PCDHGA10: variants seen among roughly 807,000 people sequenced by gnomAD.
PCDHGA10 encodes protocadherin gamma-A10.
A neutral mutation model predicts 59.5 loss-of-function variants in PCDHGA10; 42 were observed. The observed-to-expected ratio is 0.71, with a 90% CI of 0.55 to 0.91. PCDHGA10 has a LOEUF of 0.91. Among genes scored for constraint, PCDHGA10 ranks in the 40% least tolerant of loss-of-function variants. The probability of loss-of-function intolerance (pLI) is 0.00; values close to 1 mark genes in which losing one functional copy is unlikely to be tolerated. For synonymous variants in PCDHGA10, 511 were observed against 517.2 expected (o/e 0.99, Z 0.16); for missense variants, 1,111 against 1,198.2 (o/e 0.93, Z 1.07).
At chr5:141,423,192 C>T in intron 1 of PCDHGA10, 2 of 1,613,622 alleles carry the variant, frequency 1.2e-6, no homozygotes, top group African/African-American at 2.7e-5. Context: ...AGCCCCCTCT[C>T]TCGGCCACCG....
intron 1 of PCDHGA10, chr5:141,417,931 G>T (rs551432799): frequency 6.8e-6 from 11 of 1,611,382 alleles, no homozygotes; most frequent in Middle Eastern, 1.6e-4. Flanking sequence ...TGCTGCCTTT[G>T]TTCTACCCCA....
chr5:141,484,716 G>C (rs1375103858), intron 1 of PCDHGA10, among the ~76,000 whole-genome samples: 1 of 152,030 alleles, frequency 6.6e-6, no homozygotes, highest in African/African-American at 2.4e-5. Context: ...CGCCGAAAAG[G>C]GGCGGGGTCA....
At chr5:141,429,378 T>G (rs890583768) in intron 1 of PCDHGA10, among the ~76,000 whole-genome samples, 3 of 105,336 alleles carry the variant, frequency 2.8e-5, no homozygotes, top group African/African-American at 5.2e-5. Flanking sequence ...AGAAAATGTG[T>G]TTTTTTTTTA....
rs2099681350 is a variant in PCDHGA10, at chr5:141,489,024, C to T, written c.2437-5783C>T. 1 of 450,378 alleles carries T rather than the reference C, an allele frequency of 2.2e-6. No individual in the cohort carries two copies. The highest frequency in any genetic ancestry group is 3.9e-6 in the Non-Finnish European group (1 of 256,582). 27.9% of individuals were successfully genotyped at this position (450,378 alleles called of 1,614,324 possible). On this transcript the variant is annotated intron_variant, in intron 1 of 3. Coordinates refer to ENST00000398610, the MANE Select transcript of PCDHGA10 (RefSeq NM_018913.3). The surrounding 1 kb of genome is among the most constrained non-coding windows in gnomAD (Gnocchi z 4.5). ...CTGCTCTTCCAGCCCGCCTCTCCTC[C>T]TCCAGCTCCCCAGCTCCACTCAAAT... is the stretch of plus-strand genomic sequence containing the variant.
chr5:141,431,697 G>T lies in PCDHGA10; in HGVS notation c.2436+16086G>T, dbSNP rs1303639699. 6.2e-7 allele frequency: 1 copy of T among 1,614,206 alleles called. No homozygotes were observed. Among genetic ancestry groups the T allele is most frequent in the Admixed American group, 1.7e-5 (1 of 60,024 alleles). ...GGGGAGTTGGACCACGAGGAGTCAG[G>T]ATTCTACCAGATGGAAGTGCAAGCA... On this transcript the variant is annotated intron_variant, in intron 1 of 3. Transcript: ENST00000398610. This position sits in a 1 kb window ranked among gnomAD's most constrained non-coding sequence, Gnocchi z 4.8.
chr5:141,414,274 G>A lies in PCDHGA10; in HGVS notation c.1099G>A (p.Gly367Arg), dbSNP rs762803658. 1.4e-5 allele frequency: 23 copies of A among 1,613,368 alleles called. No homozygotes were observed. The highest frequency in any genetic ancestry group is 1.9e-5 in the Non-Finnish European group (22 of 1,179,712). Residue 367 changes from glycine (G) to arginine (R), a missense_variant, in exon 1 of 4, where the codon GGA becomes AGA. By Grantham distance (125) the Gly-to-Arg change is moderately radical. Transcript: ENST00000398610. ...TCCAGTGACTGAAGATTCACCTCTG[G>A]GAACAGTCGTAGCCCTTTTAAATGT... ...FSPVTEDSPL[G>R]TVVALLNVHD...
chr5:141,417,875 G>A, intron 1 of PCDHGA10: 1 of 1,556,360 alleles, frequency 6.4e-7, no homozygotes, highest in South Asian at 1.2e-5. Flanking sequence ...AGGGAGCTGC[G>A]CGCAGAGGCG....
At chr5:141,433,004 T>G (rs368646186) in intron 1 of PCDHGA10, 48 of 1,614,028 alleles carry the variant, frequency 3.0e-5, no homozygotes, top group Non-Finnish European at 3.4e-5. Context: ...GGTGCAGGCT[T>G]TCCTGCAGAC....
In PCDHGA10 at chr5:141,490,113, C is replaced by G. The variant is rs2099696295; in HGVS notation, c.2437-4694C>G. Reference sequence around the variant, plus strand: ...ACCACACATCTGAGGCAGTGCGGAACCTCTTTGGCCTAGACCCTAGCAGTG... The same window carrying G: ...ACCACACATCTGAGGCAGTGCGGAAGCTCTTTGGCCTAGACCCTAGCAGTG... On this transcript the variant is annotated intron_variant, in intron 1 of 3. Transcript: ENST00000398610. This position sits in a 1 kb window ranked among gnomAD's most constrained non-coding sequence, Gnocchi z 5.4. 1 of 1,614,258 alleles carries G rather than the reference C, an allele frequency of 6.2e-7. No individual in the cohort carries two copies.
intron 1 of PCDHGA10, among the ~76,000 whole-genome samples, chr5:141,461,768 C>T (rs532591390): frequency 1.3e-5 from 2 of 152,016 alleles, no homozygotes; most frequent in African/African-American, 4.8e-5. Context: ...ATTCTCCTGC[C>T]TCAGCCTCCC....
At chr5:141,441,386 G>A (rs2098243752) in intron 1 of PCDHGA10, 1 of 153,358 alleles carries the variant, frequency 6.5e-6, no homozygotes, top group African/African-American at 2.4e-5. Flanking sequence ...ACAGACCCAA[G>A]GTATAACATC....
chr5:141,433,140 C>T (rs1394486228), intron 1 of PCDHGA10: 4 of 1,613,948 alleles, frequency 2.5e-6, no homozygotes, highest in African/African-American at 1.3e-5. Flanking sequence ...CTTTTGCTGT[C>T]AGGTGATTCG....
Position 141,432,267 on chromosome 5 carries a change from C to T in PCDHGA10, c.2436+16656C>T, listed in dbSNP as rs746089276. 4.3e-6 allele frequency: 7 copies of T among 1,614,244 alleles called. No homozygotes were observed. On this transcript the variant is annotated intron_variant, in intron 1 of 3. Transcript: ENST00000398610. The surrounding 1 kb of genome is among the most constrained non-coding windows in gnomAD (Gnocchi z 6.0). ...ACCATCCAAGGGGCAAGCCTATCGT[C>T]CTACGTGTCCATCAACTCCGACACT...
rs34152666 is a variant in PCDHGA10 at position 141,428,860 on chromosome 5, C to CT, written c.2436+13262dup. 6.7e-4 allele frequency: 98 copies of CT among 145,544 alleles called. 1 individual carries two copies. The highest frequency in any genetic ancestry group is 1.4e-3 in the East Asian group (7 of 4,990). 9.0% of individuals were successfully genotyped at this position (145,544 alleles called of 1,614,324 possible). On this transcript the variant is annotated intron_variant, in intron 1 of 3. Transcript: ENST00000398610. ...ACATTTTCACCATTTTTACGGGAGA[C>CT]TTTTTTTTTTTTTGGACGGAGTCTC...
rs773729429 is a variant in PCDHGA10, at chr5:141,491,406, C to T, written c.2437-3401C>T. ...CGAAGTGCCTTCAGGGAAACGCAGA[C>T]GGGGACGGGGGTGGAGGGCAGTGCT... On this transcript the variant is annotated intron_variant, in intron 1 of 3. Transcript: ENST00000398610. The surrounding 1 kb of genome is among the most constrained non-coding windows in gnomAD (Gnocchi z 6.9). The T allele has an allele frequency of 1.2e-6, 2 of 1,614,096 alleles. No homozygotes were observed. The highest frequency in any genetic ancestry group is 1.7e-6 in the Non-Finnish European group (2 of 1,179,990).
chr5:141,491,483 A>ACCTGCAGGTGAGCTCGG lies in PCDHGA10; in HGVS notation c.2437-3323_2437-3307dup. The ACCTGCAGGTGAGCTCGG allele has an allele frequency of 3.1e-6, 5 of 1,614,018 alleles. No individual in the cohort carries two copies. The highest frequency in any genetic ancestry group is 4.2e-6 in the Non-Finnish European group (5 of 1,180,012). ...GACTTCTATAAGCAGTCCAGCCCCAACCTGCAGGTGAGCTCGGACGGCACG... is the reference window on the plus strand; with the variant it reads ...GACTTCTATAAGCAGTCCAGCCCCAACCTGCAGGTGAGCTCGGCCTGCAGGTGAGCTCGGACGGCACG... On this transcript the variant is annotated intron_variant, in intron 1 of 3. Coordinates refer to ENST00000398610, the MANE Select transcript of PCDHGA10 (RefSeq NM_018913.3). The surrounding 1 kb of genome is among the most constrained non-coding windows in gnomAD (Gnocchi z 6.9).
Position 141,486,812 on chromosome 5 carries a change from A to G in PCDHGA10, c.2437-7995A>G, listed in dbSNP as rs781747283. 6.2e-7 allele frequency: 1 copy of G among 1,614,226 alleles called. No individual in the cohort carries two copies. The highest frequency in any genetic ancestry group is 8.5e-7 in the Non-Finnish European group (1 of 1,180,046). ...GGATCGGGGCAACCCACCCCTTAGC[A>G]GCACTGTAACAGTTCGTCTATTTGT... On this transcript the variant is annotated intron_variant, in intron 1 of 3. Transcript: ENST00000398610. This position sits in a 1 kb window ranked among gnomAD's most constrained non-coding sequence, Gnocchi z 5.0.
rs769187557 is a variant in PCDHGA10, at chr5:141,433,087, A to C, written c.2436+17476A>C. 2.5e-6 allele frequency: 4 copies of C among 1,614,206 alleles called. No homozygotes were observed. In the Admixed American group the frequency reaches 6.7e-5, roughly 27 times the overall value. On this transcript the variant is annotated intron_variant, in intron 1 of 3. Transcript: ENST00000398610. The stretch of plus-strand genomic sequence containing the variant: ...TGATCTTCCCCCAGCCCAACTATGC[A>C]GACATGCTCGTCAGCCAGGAGAGCT...
chr5:141,501,066 A>G (rs2099805322), intron 2 of PCDHGA10, among the ~76,000 whole-genome samples: 1 of 151,976 alleles, frequency 6.6e-6, no homozygotes, highest in South Asian at 2.1e-4. Flanking sequence ...ACGGGGTTTC[A>G]CCATGTTGAC....
Sources: allele counts gnomAD v4.1 joint callset (sites outside exome capture counted in the v4.1 genomes callset), GRCh38; gene constraint gnomAD v4.1.1; non-coding constraint Gnocchi (gnomAD v3.1); transcripts MANE v1.5; gene names NCBI Gene and HGNC (gene_info 2026-07-23, HGNC 2026-07-21).